Variants in ATG4B observed in about 807,000 individuals in gnomAD.
The protein encoded by ATG4B is cysteine protease ATG4B.
Under a neutral mutation model 56.6 loss-of-function variants are expected in ATG4B, and 29 were observed. The ratio of observed to expected loss-of-function variants is 0.51; its 90% CI spans 0.38 to 0.70. The LOEUF (loss-of-function observed/expected upper bound fraction) is 0.70, where lower values mean the gene tolerates loss of function less well. Among genes scored for constraint, ATG4B ranks in the 30% least tolerant of loss-of-function variants. ATG4B has a pLI of 0.00. For synonymous variants in ATG4B, 224 were observed against 206.1 expected, an observed-to-expected ratio of 1.09 and a Z score of -0.74; for missense variants, 461 against 515.5, an observed-to-expected ratio of 0.89 and a Z score of 1.02.
At chr2:241,659,648 G>T in intron 7 of ATG4B, 1 of 304,174 alleles carries the variant, frequency 3.3e-6, no homozygotes, top group Non-Finnish European at 6.5e-6. Flanking sequence ...GAAGGAACCT[G>T]GGCGTGGCAA....
chr2:241,669,653 A>G (rs1425953471), intron 10 of ATG4B, among the ~76,000 whole-genome samples: 2 of 152,086 alleles, frequency 1.3e-5, no homozygotes, highest in Admixed American at 6.5e-5. Context: ...GACTACAGGC[A>G]CCCGCCACCA....
intron 3 of ATG4B, among the ~76,000 whole-genome samples, chr2:241,652,215 A>G (rs1311237581): frequency 1.3e-5 from 2 of 152,282 alleles, no homozygotes; most frequent in South Asian, 2.1e-4. Context: ...TTTTAATGAC[A>G]TACCTTGTCA....
chr2:241,658,894 G>A (rs1448676453), intron 6 of ATG4B, among the ~76,000 whole-genome samples: 2 of 152,228 alleles, frequency 1.3e-5, no homozygotes. Flanking sequence ...TGGGGCAAGG[G>A]CAGGACCCCT....
intron 1 of ATG4B, among the ~76,000 whole-genome samples, chr2:241,649,396 ATTC>A (rs1350927663): frequency 6.6e-6 from 1 of 152,248 alleles, no homozygotes; most frequent in African/African-American, 2.4e-5. Flanking sequence ...AGCATATGTC[ATTC>A]TTATTGAAGT....
Position 241,668,298 on chromosome 2 carries a change from A to G in ATG4B, c.811+77A>G. On this transcript the variant is annotated intron_variant, in intron 9 of 12. Transcript: ENST00000404914. The surrounding 1 kb of genome is among the most constrained non-coding windows in gnomAD (Gnocchi z 4.2). Reference sequence around the variant, plus strand: ...ATTCCATGAGCAGGTACCACACCCCAGGTGACCACTTGAGGCCACTGGTGG... The same window carrying G: ...ATTCCATGAGCAGGTACCACACCCCGGGTGACCACTTGAGGCCACTGGTGG... 1.3e-6 allele frequency: 2 copies of G among 1,500,614 alleles called. No homozygotes were observed. Among genetic ancestry groups the G allele is most frequent in the South Asian group, 1.2e-5 (1 of 82,866 alleles). The allele number at this position is 1,500,614 out of a possible 1,614,324, so 93.0% of individuals were successfully genotyped here.
In ATG4B at chr2:241,673,784, G is replaced by A. The variant is rs1297344156; in HGVS notation, c.*1520G>A. 2.2e-6 allele frequency: 1 copy of A among 454,212 alleles called. No homozygotes were observed. 28.1% of individuals were successfully genotyped at this position (454,212 alleles called of 1,614,324 possible). A position where few individuals can be genotyped will look rare whatever the true frequency, so the allele number is the denominator to read the frequency against. ...TGTGTTTTGAAAAAGGCTTAATGAA[G>A]AGAATGTTGTTCATTCTTAGTAGTA... On this transcript the variant is annotated 3_prime_UTR_variant, in exon 13 of 13. Coordinates refer to ENST00000404914, the MANE Select transcript of ATG4B (RefSeq NM_013325.5).
chr2:241,669,042 C>G (rs538637403), intron 10 of ATG4B, among the ~76,000 whole-genome samples: 37 of 101,248 alleles, frequency 3.7e-4, no homozygotes. Context: ...CTCCACCCAC[C>G]CCTGCACCAC....
At chr2:241,638,082 G>T (rs1434291082) in intron 1 of ATG4B, among the ~76,000 whole-genome samples, 2 of 151,946 alleles carry the variant, frequency 1.3e-5, no homozygotes, top group African/African-American at 4.8e-5. Flanking sequence ...GCGGCGAACG[G>T]GGCGGCCGCG....
intron 12 of ATG4B, 118 bp downstream of exon 12, chr2:241,671,523 A>G: frequency 6.5e-7 from 1 of 1,546,462 alleles, no homozygotes; most frequent in Non-Finnish European, 8.7e-7. Flanking sequence ...AGCCGTGAGC[A>G]CTTGGCAGTG....
At chr2:241,662,020 A>G (rs904132343) in intron 7 of ATG4B, among the ~76,000 whole-genome samples, 4 of 152,144 alleles carry the variant, frequency 2.6e-5, no homozygotes, top group African/African-American at 9.7e-5. Flanking sequence ...CTGGAACTCA[A>G]CTCTCTGAGA....
chr2:241,671,828 T>C, intron 12 of ATG4B: 1 of 1,272,958 alleles, frequency 7.9e-7, no homozygotes, highest in Non-Finnish European at 1.0e-6. Context: ...TGCAGTGAAG[T>C]GAGTGGCCGT....
At chr2:241,667,963 G>A in intron 8 of ATG4B, 180 bp from the exon 9 acceptor site, 2 of 588,610 alleles carry the variant, frequency 3.4e-6, no homozygotes, top group Non-Finnish European at 6.0e-6. Flanking sequence ...GGTTTCTTGT[G>A]CCTGTGGGAT....
Position 241,668,127 on chromosome 2 carries a change from C to T in ATG4B, c.733-16C>T. The T allele has an allele frequency of 6.3e-7, 1 of 1,580,422 alleles. No individual in the cohort carries two copies. Among genetic ancestry groups the T allele is most frequent in the Non-Finnish European group, 8.6e-7 (1 of 1,163,956 alleles). On this transcript the variant is annotated splice_polypyrimidine_tract_variant and intron_variant, in intron 8 of 12. Transcript: ENST00000404914. This position sits in a 1 kb window ranked among gnomAD's most constrained non-coding sequence, Gnocchi z 4.2. ...TCCCACCTGGGACCTGTGCTCAGTC[C>T]CCCGCCCCTCCACAGCACTGCTTCA...
At chr2:241,672,028 C>T (rs1238957361) in intron 12 of ATG4B, 163 bp from the exon 13 acceptor site, 9 of 1,421,288 alleles carry the variant, frequency 6.3e-6, no homozygotes, top group East Asian at 2.6e-5. Context: ...CCCCCATATT[C>T]GCAGGTCTGC....
At position 241,672,282 on chromosome 2, in the gene ATG4B, G is replaced by A; in HGVS notation, c.*18G>A. 3 of 1,555,464 alleles carry A rather than the reference G, an allele frequency of 1.9e-6. No homozygotes were observed. The highest frequency in any genetic ancestry group is 2.6e-6 in the Non-Finnish European group (3 of 1,146,926). ...CCCTTTGAAAATCCTGGGGTCGGGG[G>A]TGGCACCTGTGAGAGCCTGGGGCTC... On this transcript the variant is annotated 3_prime_UTR_variant, in exon 13 of 13. Transcript: ENST00000404914.
chr2:241,638,447 A>T (rs1207757179), intron 1 of ATG4B: 1 of 152,084 alleles, frequency 6.6e-6, no homozygotes, highest in Non-Finnish European at 1.5e-5. Context: ...TGCTAGCAAG[A>T]TTATTTTAAG....
rs962259250 is a variant in ATG4B at position 241,673,567 on chromosome 2, C to T, written c.*1303C>T. On this transcript the variant is annotated 3_prime_UTR_variant, in exon 13 of 13. Transcript: ENST00000404914. Reference sequence around the variant, plus strand: ...CTGGTAGCAGAGGACACCCCCAGCCCCCCAAGCATTGAAGACATAGTGTAT... The same window carrying T: ...CTGGTAGCAGAGGACACCCCCAGCCTCCCAAGCATTGAAGACATAGTGTAT... 44 of 452,790 alleles carry T rather than the reference C, an allele frequency of 9.7e-5. No homozygotes were observed. Among genetic ancestry groups the T allele is most frequent in the Admixed American group, 9.7e-4 (41 of 42,334 alleles). The allele number at this position is 452,790 out of a possible 1,614,324, so 28.0% of individuals were successfully genotyped here.
intron 1 of ATG4B, among the ~76,000 whole-genome samples, chr2:241,647,059 C>T (rs1157124955): frequency 1.3e-5 from 2 of 151,802 alleles, no homozygotes; most frequent in African/African-American, 2.4e-5. Context: ...GCTGGGATTA[C>T]AGGCATGAGC....
chr2:241,661,937 GA>G (rs1426003027), intron 7 of ATG4B, among the ~76,000 whole-genome samples: 3 of 152,216 alleles, frequency 2.0e-5, no homozygotes, highest in African/African-American at 7.2e-5. Context: ...GAGGACAAAT[GA>G]CTCCAATGAA....
Sources: allele counts gnomAD v4.1 joint callset (sites outside exome capture counted in the v4.1 genomes callset), GRCh38; gene constraint gnomAD v4.1.1; non-coding constraint Gnocchi (gnomAD v3.1); transcripts MANE v1.5; gene names NCBI Gene and HGNC (gene_info 2026-07-23, HGNC 2026-07-21).